NAV2: variants seen among roughly 807,000 people sequenced by gnomAD.
NAV2 encodes the protein neuron navigator 2, also known as helicase, APC down-regulated 1.
In NAV2, 54 loss-of-function variants were observed where a neutral mutation model predicts 223.2. The ratio of observed to expected loss-of-function variants is 0.24; its 90% CI spans 0.19 to 0.30. NAV2 has a LOEUF of 0.30. Ranked by LOEUF, NAV2 falls within the 10% of genes least tolerant of loss-of-function variation. The probability of loss-of-function intolerance (pLI) is 1.00; values close to 1 mark genes in which losing one functional copy is unlikely to be tolerated. For missense variants in NAV2, 2,806 were observed against 3,147.5 expected (o/e 0.89, Z 2.60); for synonymous variants, 1,279 against 1,239.3 (o/e 1.03, Z -0.67).
intron 33 of NAV2, 110 bp from the exon 34 acceptor site, chr11:20,103,543 C>T: frequency 6.8e-7 from 1 of 1,478,422 alleles, no homozygotes; most frequent in South Asian, 1.2e-5. Flanking sequence ...GAGTGGGAGG[C>T]AGCCAGCTGT....
rs201074262 is a variant in NAV2, at chr11:19,405,519, GT to G, written c.75+54493del. On this transcript the variant is annotated intron_variant, in intron 1 of 37. Transcript: ENST00000360655. ...GAGTAACATGAGGCTGCTGAAAGGT[GT>G]GTGTGTCCTGAGAATTCCTCCTTCT... Among the ~76,000 whole-genome samples, 166 of 152,310 alleles carry G rather than the reference GT, an allele frequency of 1.1e-3. 3 individuals carry two copies. In the East Asian group the frequency reaches 0.028, roughly 26 times the overall value.
At chr11:19,512,101 C>A (rs181566062) in intron 1 of NAV2, among the ~76,000 whole-genome samples, 1 of 152,246 alleles carries the variant, frequency 6.6e-6, no homozygotes, top group African/African-American at 2.4e-5. Flanking sequence ...AACAGATAAA[C>A]TCTCTGTTTC....
At chr11:19,433,307 C>G (rs1011702289) in intron 1 of NAV2, among the ~76,000 whole-genome samples, 3 of 152,168 alleles carry the variant, frequency 2.0e-5, no homozygotes, top group African/African-American at 7.2e-5. Flanking sequence ...GGTGAGCTCC[C>G]CATCAAAGAG....
chr11:19,453,911 T>G (rs1188687077), intron 1 of NAV2, among the ~76,000 whole-genome samples: 1 of 152,198 alleles, frequency 6.6e-6, no homozygotes, highest in Non-Finnish European at 1.5e-5. Context: ...TGCCTTTATG[T>G]TGGGGGAGGC....
chr11:19,677,031 G>T (rs1195673577), intron 1 of NAV2, among the ~76,000 whole-genome samples: 2 of 152,188 alleles, frequency 1.3e-5, no homozygotes, highest in Non-Finnish European at 2.9e-5. Context: ...CTCAAGGAAA[G>T]AATCAAGACT....
chr11:19,641,966 T>C (rs1565129719), intron 1 of NAV2, among the ~76,000 whole-genome samples: 1 of 152,230 alleles, frequency 6.6e-6, no homozygotes, highest in Non-Finnish European at 1.5e-5. Context: ...GCAGAGACTT[T>C]ATTTTGTTCA....
intron 27 of NAV2, 129 bp downstream of exon 27, chr11:20,091,147 C>G: frequency 4.9e-6 from 4 of 821,984 alleles, no homozygotes; most frequent in Non-Finnish European, 7.5e-6. Context: ...GCCTTTATCT[C>G]TTTTCAGTCC....
chr11:19,593,105 A>G (rs2046108047), intron 1 of NAV2, among the ~76,000 whole-genome samples: 1 of 151,982 alleles, frequency 6.6e-6, no homozygotes, highest in Non-Finnish European at 1.5e-5. Context: ...GTCCACAAAG[A>G]TCTCCCTTGT....
chr11:19,947,770 A>C (rs2047048656), intron 9 of NAV2, among the ~76,000 whole-genome samples: 1 of 152,230 alleles, frequency 6.6e-6, no homozygotes, highest in African/African-American at 2.4e-5. Context: ...TTGATTGAAG[A>C]GGGAACTCAA....
At chr11:19,628,110 A>T (rs994387831) in intron 1 of NAV2, among the ~76,000 whole-genome samples, 2 of 152,128 alleles carry the variant, frequency 1.3e-5, no homozygotes, top group African/African-American at 4.8e-5. Context: ...TCTTGGAGCC[A>T]GTATGTCTCC....
chr11:19,575,420 C>T lies in NAV2; in HGVS notation c.75+224393C>T, dbSNP rs568739342. ...TTCTAAGCCTGGGCTCCTACAGCAGCCAGAATGCCAGTCAGACCCATCCAC... is the reference window on the plus strand; with the variant it reads ...TTCTAAGCCTGGGCTCCTACAGCAGTCAGAATGCCAGTCAGACCCATCCAC... On this transcript the variant is annotated intron_variant, in intron 1 of 37. Transcript: ENST00000360655. The T allele has an allele frequency of 1.2e-4, 18 of 154,222 alleles. No homozygotes were observed. The South Asian group carries it at 1.8e-3, about 16-fold the overall frequency. The allele number at this position is 154,222 out of a possible 1,614,324, so 9.6% of individuals were successfully genotyped here.
chr11:19,978,391 C>T (rs2049992199), intron 10 of NAV2, among the ~76,000 whole-genome samples: 1 of 152,158 alleles, frequency 6.6e-6, no homozygotes, highest in Non-Finnish European at 1.5e-5. Context: ...TGCTCAACAA[C>T]AAGGGCTTTT....
intron 1 of NAV2, among the ~76,000 whole-genome samples, chr11:19,752,413 C>T (rs1453126435): frequency 6.6e-6 from 1 of 152,158 alleles, no homozygotes; most frequent in Non-Finnish European, 1.5e-5. Flanking sequence ...CACTCAACTT[C>T]CTTTCTCATT....
chr11:20,080,819 C>T lies in NAV2; in HGVS notation c.5325+610C>T, dbSNP rs114158612. 2.9e-3 allele frequency among the ~76,000 whole-genome samples: 436 copies of T among 152,240 alleles called. 2 individuals are homozygous for T. The highest frequency in any genetic ancestry group is 9.9e-3 in the African/African-American group (413 of 41,540). On this transcript the variant is annotated intron_variant, in intron 25 of 37. Coordinates refer to ENST00000349880, the MANE Select transcript of NAV2 (RefSeq NM_145117.5). Reference sequence around the variant, plus strand: ...CAGTGTTTCTCCATGTTTCATAATCCCAGTGAGTTATTTGAATTTCTGGAC... The same window carrying T: ...CAGTGTTTCTCCATGTTTCATAATCTCAGTGAGTTATTTGAATTTCTGGAC...
intron 1 of NAV2, among the ~76,000 whole-genome samples, chr11:19,656,452 G>A (rs759537583): frequency 5.3e-5 from 8 of 152,212 alleles, no homozygotes; most frequent in African/African-American, 9.7e-5. Context: ...GTGAAATGCC[G>A]TGAGTGAGGG....
chr11:19,516,688 T>C (rs1246871298), intron 1 of NAV2, among the ~76,000 whole-genome samples: 1 of 152,194 alleles, frequency 6.6e-6, no homozygotes, highest in Non-Finnish European at 1.5e-5. Flanking sequence ...CAACAATCTC[T>C]GCAGACAGAG....
At chr11:19,704,875 G>A (rs567279604) in intron 1 of NAV2, among the ~76,000 whole-genome samples, 28 of 151,800 alleles carry the variant, frequency 1.8e-4, no homozygotes, top group South Asian at 1.7e-3. Flanking sequence ...GCCGGGCGTC[G>A]TGGCGGGCGC....
At chr11:20,062,159 A>T in intron 19 of NAV2, 148 bp from the exon 20 acceptor site, 1 of 532,670 alleles carries the variant, frequency 1.9e-6, no homozygotes, top group Non-Finnish European at 3.3e-6. Flanking sequence ...TCACTGACCT[A>T]TCGCCAAACC....
At chr11:19,775,922 G>T (rs1390405318) in intron 1 of NAV2, among the ~76,000 whole-genome samples, 1 of 152,214 alleles carries the variant, frequency 6.6e-6, no homozygotes, top group Non-Finnish European at 1.5e-5. Context: ...AGAGAGCTGG[G>T]ATTTTTAAAC....
Sources: gnomAD v4.1 joint callset for allele counts (sites outside exome capture counted in the v4.1 genomes callset) on GRCh38, gnomAD v4.1.1 for gene constraint, MANE v1.5 for transcripts, NCBI Gene and HGNC (gene_info 2026-07-23, HGNC 2026-07-21) for gene names.